MARK3: variants seen among roughly 807,000 people sequenced by gnomAD.
MARK3 encodes the protein microtubule affinity regulating kinase 3.
Under a neutral mutation model 90.1 loss-of-function variants are expected in MARK3, and 46 were observed. The ratio of observed to expected loss-of-function variants is 0.51; its 90% confidence interval spans 0.40 to 0.65. MARK3 has a LOEUF of 0.65. Ranked by LOEUF, MARK3 falls within the 30% of genes least tolerant of loss-of-function variation. The pLI is 0.00. For synonymous variants in MARK3, 321 were observed against 332.6 expected, an observed-to-expected ratio of 0.97 and a Z score of 0.38; for missense variants, 818 against 947.2, an observed-to-expected ratio of 0.86 and a Z score of 1.79.
chr14:103,420,434 T>G lies in MARK3; in HGVS notation c.244-7953T>G, dbSNP rs2092160913. 2.0e-5 allele frequency among the ~76,000 whole-genome samples: 3 copies of G among 152,266 alleles called. No homozygotes were observed. In the South Asian group the frequency reaches 6.2e-4, roughly 32 times the overall value. On this transcript the variant is annotated intron_variant, in intron 2 of 17. Coordinates refer to ENST00000429436, the MANE Select transcript of MARK3 (RefSeq NM_001128918.3). ...TCTACAGAGACAAAGCATCCCCATG[T>G]TGCTCAGGCTGGTCTCGAACTCCTG...
intron 14 of MARK3, among the ~76,000 whole-genome samples, chr14:103,485,677 A>G (rs1386521094): frequency 6.6e-6 from 1 of 152,206 alleles, no homozygotes; most frequent in Non-Finnish European, 1.5e-5. Context: ...GCTAGAGGTC[A>G]TAGCAACAAA....
In MARK3 at chr14:103,466,353, A is replaced by G. The variant is rs2093502076; in HGVS notation, c.908A>G (p.Lys303Arg). The part of the protein sequence containing the change: ...IKRGTLEQIM[K>R]DRWINAGHEE... ...GTTTACCTTTTTTAGCAAATCATGA[A>G]GGACAGGTGGATCAATGCAGGGCAT... The change falls in exon 10 of 18, where the codon AAG becomes AGG. Residue 303 changes from lysine to arginine, a missense_variant. Around this residue, in one of 3 missense-constraint regions of MARK3, gnomAD observed 560 missense variants for 613.5 expected, o/e 0.91. Transcript: ENST00000429436. 6.2e-7 allele frequency: 1 copy of G among 1,610,984 alleles called. No individual in the cohort carries two copies. Among genetic ancestry groups the G allele is most frequent in the Non-Finnish European group, 8.5e-7 (1 of 1,178,176 alleles).
chr14:103,444,799 G>A (rs941361550), intron 3 of MARK3, among the ~76,000 whole-genome samples: 1 of 152,012 alleles, frequency 6.6e-6, no homozygotes, highest in African/African-American at 2.4e-5. Flanking sequence ...TAGAAATAAG[G>A]TGAGTTTCTC....
intron 6 of MARK3, chr14:103,458,940 TTTAAA>T: frequency 2.2e-6 from 1 of 448,806 alleles, no homozygotes; most frequent in Admixed American, 4.0e-5. Context: ...TGATCCTGTT[TTTAAA>T]GCTATAAAAA....
intron 2 of MARK3, among the ~76,000 whole-genome samples, chr14:103,415,415 A>G (rs2091902970): frequency 1.3e-5 from 2 of 152,182 alleles, no homozygotes; most frequent in South Asian, 4.1e-4. Flanking sequence ...TTTAAAATAC[A>G]TGTACCAGTT....
intron 2 of MARK3, among the ~76,000 whole-genome samples, chr14:103,416,196 CATATA>C (rs1372684636): frequency 6.6e-6 from 1 of 152,144 alleles, no homozygotes; most frequent in Non-Finnish European, 1.5e-5. Context: ...AGTACTCACA[CATATA>C]ATATAATGTA....
At chr14:103,501,938 C>T (rs2075691202) in intron 17 of MARK3, among the ~76,000 whole-genome samples, 2 of 152,172 alleles carry the variant, frequency 1.3e-5, no homozygotes, top group African/African-American at 2.4e-5. Flanking sequence ...TAGCCCCTCA[C>T]CTCTGGTTAG....
rs754100275 is a variant in MARK3, at chr14:103,503,190, A to G, written c.2225A>G (p.Asn742Ser). 7 of 1,611,710 alleles carry G rather than the reference A, an allele frequency of 4.3e-6. No individual in the cohort carries two copies. The highest frequency in any genetic ancestry group is 5.9e-6 in the Non-Finnish European group (7 of 1,178,024). Residue 742 changes from asparagine to serine, a missense_variant, in exon 18 of 18, where the codon AAT becomes AGT. By Grantham distance (46) the Asn-to-Ser change is conservative. Transcript: ENST00000429436. The stretch of plus-strand genomic sequence containing the variant: ...TCGGGGACATCCATAGCCTTCAAAA[A>G]TATTGCTTCCAAAATTGCCAATGAG... ...RISGTSIAFK[N>S]IASKIANELK...
chr14:103,444,595 G>A (rs998697762), intron 3 of MARK3, among the ~76,000 whole-genome samples: 1 of 152,114 alleles, frequency 6.6e-6, no homozygotes, highest in Admixed American at 6.5e-5. Context: ...TGGCTAACAT[G>A]GTGAAACCCC....
intron 2 of MARK3, chr14:103,412,071 G>T (rs1245380364): frequency 5.9e-6 from 3 of 506,836 alleles, no homozygotes; most frequent in Non-Finnish European, 9.2e-6. Flanking sequence ...TTGGTTTTTT[G>T]TTTTTTGTTT....
intron 2 of MARK3, among the ~76,000 whole-genome samples, chr14:103,415,298 G>C (rs933771810): frequency 6.6e-6 from 1 of 151,714 alleles, no homozygotes; most frequent in Admixed American, 6.6e-5. Flanking sequence ...TTTAAATCAA[G>C]CCTTTAAATA....
chr14:103,402,561 T>C (rs914720298), intron 1 of MARK3, among the ~76,000 whole-genome samples: 17 of 149,146 alleles, frequency 1.1e-4, no homozygotes, highest in Non-Finnish European at 4.5e-5. Flanking sequence ...AAAAAAAGGA[T>C]TTTTCTAAGA....
At chr14:103,392,970 C>T (rs2140477816) in intron 1 of MARK3, among the ~76,000 whole-genome samples, 2 of 151,940 alleles carry the variant, frequency 1.3e-5, no homozygotes, top group South Asian at 4.2e-4. Context: ...CCACCACACC[C>T]AGCTAATTTT....
intron 2 of MARK3, among the ~76,000 whole-genome samples, chr14:103,427,510 A>AAAAAAAAAAG (rs1555381307): frequency 6.6e-6 from 1 of 150,966 alleles, no homozygotes; most frequent in Non-Finnish European, 1.5e-5. Flanking sequence ...AAAAAAAAAA[A>AAAAAAAAAAG]AAAGAAACAA....
intron 13 of MARK3, among the ~76,000 whole-genome samples, chr14:103,475,415 G>A (rs1282308584): frequency 1.3e-5 from 2 of 152,058 alleles, no homozygotes; most frequent in African/African-American, 4.8e-5. Context: ...TCTTGCTGCT[G>A]TAACAAAATA....
intron 14 of MARK3, among the ~76,000 whole-genome samples, chr14:103,482,884 T>G (rs1272502755): frequency 6.6e-6 from 1 of 152,238 alleles, no homozygotes; most frequent in Non-Finnish European, 1.5e-5. Flanking sequence ...TTGCTTCTCT[T>G]AGCATCAGTC....
intron 2 of MARK3, among the ~76,000 whole-genome samples, chr14:103,407,554 C>CTTTTTTTTTTTTT (rs71460673): frequency 5.6e-5 from 4 of 71,664 alleles, no homozygotes; most frequent in Non-Finnish European, 7.1e-5. Context: ...TGTTTTGCCT[C>CTTTTTTTTTTTTT]TTTTTTTTTT....
At chr14:103,486,596 CTTT>C (rs1448483013) in intron 14 of MARK3, among the ~76,000 whole-genome samples, 1 of 152,078 alleles carries the variant, frequency 6.6e-6, no homozygotes, top group East Asian at 1.9e-4. Flanking sequence ...ATTTTTAACA[CTTT>C]TCTGGGGGGA....
Position 103,484,762 on chromosome 14 carries a change from C to G in MARK3, c.1586+4272C>G, listed in dbSNP as rs966766102. Among the ~76,000 whole-genome samples the G allele has an allele frequency of 8.8e-4, 8 of 9,130 alleles. No individual in the cohort carries two copies. The Admixed American group carries it at 0.02, about 23-fold the overall frequency. The allele number at this position is 9,130 out of a possible 152,430, so 6.0% of individuals were successfully genotyped here. A position where few individuals can be genotyped will look rare whatever the true frequency, so the allele number is the denominator to read the frequency against. On this transcript the variant is annotated intron_variant, in intron 14 of 17. Coordinates refer to ENST00000429436, the MANE Select transcript of MARK3 (RefSeq NM_001128918.3). ...CCTGACCAACATGGTGAAACCCTGT[C>G]TAAAATTAATTAGCTGGGCGTGGTG...
Sources: allele counts gnomAD v4.1 joint callset (sites outside exome capture counted in the v4.1 genomes callset), GRCh38; gene constraint gnomAD v4.1.1; regional missense constraint gnomAD v4.1.1; transcripts MANE v1.5; gene names NCBI Gene and HGNC (gene_info 2026-07-23, HGNC 2026-07-21).